ARMCX4: variants seen among roughly 807,000 people sequenced by gnomAD.
ARMCX4 encodes armadillo repeat containing X-linked 4.
A neutral mutation model predicts 34.7 loss-of-function variants in ARMCX4; 3 were observed. The ratio of observed to expected loss-of-function variants is 0.09; its 90% CI spans 0.04 to 0.22. The LOEUF is 0.22. Ranked by LOEUF, ARMCX4 falls within the 10% of genes least tolerant of loss-of-function variation. The pLI, the probability that ARMCX4 is intolerant of heterozygous loss-of-function variation, is 1.00. For missense variants in ARMCX4, 1,448 were observed against 1,720.8 expected (o/e 0.84, Z 2.81); for synonymous variants, 513 against 632.8 (o/e 0.81, Z 2.84).
intron 11 of ARMCX4, among the ~76,000 whole-genome samples, chrX:101,515,648 C>T (rs1556017734): frequency 1.9e-5 from 2 of 105,628 alleles, no homozygotes; most frequent in East Asian, 3.0e-4. Flanking sequence ...AAGAGATTCT[C>T]GTGCCTCAGC....
chrX:101,497,484 C>A (rs1250198086), downstream of ARMCX4, among the ~76,000 whole-genome samples: 2 of 111,423 alleles, frequency 1.8e-5, no homozygotes, highest in Admixed American at 1.9e-4. Context: ...GGTGATCTGC[C>A]CGCCTCGGCC....
chrX:101,450,869 A>G (rs1226837137), downstream of ARMCX4, among the ~76,000 whole-genome samples: 2 of 111,530 alleles, frequency 1.8e-5, no homozygotes, highest in African/African-American at 6.5e-5. Context: ...TTTGGGAGCT[A>G]AGGCCTGGAA....
intron 2 of ARMCX4, chrX:101,419,156 T>G (rs1929086179): frequency 9.0e-6 from 1 of 111,487 alleles, no homozygotes. Flanking sequence ...TAAATGTTTT[T>G]GAGAAAATAA....
At chrX:101,431,765 G>A (rs948606030) in intron 2 of ARMCX4, among the ~76,000 whole-genome samples, 3 of 111,617 alleles carry the variant, frequency 2.7e-5, no homozygotes, top group Non-Finnish European at 3.8e-5. Context: ...GGATGGTCTT[G>A]ATCTCCTGAC....
intron 4 of ARMCX4, among the ~76,000 whole-genome samples, chrX:101,478,625 A>G (rs1933301108): frequency 1.8e-5 from 2 of 111,917 alleles, no homozygotes; most frequent in Admixed American, 9.6e-5. Context: ...CAGGAAGCAC[A>G]AGACAAAGAA....
At chrX:101,439,443 C>G (rs1931076713) in intron 2 of ARMCX4, among the ~76,000 whole-genome samples, 1 of 111,104 alleles carries the variant, frequency 9.0e-6, no homozygotes, top group Admixed American at 9.7e-5. Flanking sequence ...CTGACAATTA[C>G]AATTATGTGT....
At chrX:101,483,031 G>A (rs1184582333), upstream of ARMCX4, among the ~76,000 whole-genome samples, 1 of 106,253 alleles carries the variant, frequency 9.4e-6, no homozygotes, top group Non-Finnish European at 1.9e-5. Context: ...AAGTAGCTGG[G>A]GTTATAAGCG....
chrX:101,421,761 C>T (rs1250456321), intron 2 of ARMCX4, among the ~76,000 whole-genome samples: 2 of 110,338 alleles, frequency 1.8e-5, no homozygotes, highest in Non-Finnish European at 3.8e-5. Flanking sequence ...TGGCATTAAT[C>T]CCACCTGTGA....
intron 4 of ARMCX4, among the ~76,000 whole-genome samples, chrX:101,455,518 C>G (rs781879077): frequency 2.7e-5 from 3 of 111,415 alleles, no homozygotes; most frequent in African/African-American, 9.8e-5. Context: ...ATTATTACCA[C>G]TAAACTCTTT....
At chrX:101,455,030 C>T (rs1361084259) in intron 4 of ARMCX4, among the ~76,000 whole-genome samples, 1 of 111,685 alleles carries the variant, frequency 9.0e-6, no homozygotes, top group Non-Finnish European at 1.9e-5. Flanking sequence ...TCACACTGGG[C>T]ATTGGGATTT....
In ARMCX4 at chrX:101,494,308, G is replaced by A; in HGVS notation, c.5719G>A (p.Glu1907Lys). Residue 1907 changes from glutamate (E) to lysine (K), a missense_variant, in exon 6 of 6, where the codon GAG becomes AAG. Transcript: ENST00000423738. ...CAGTTTAAGGTCTTTGTTTTGGGCTGAGAGTGAGAACAGTAATACGTTCAG... is the reference window on the plus strand; with the variant it reads ...CAGTTTAAGGTCTTTGTTTTGGGCTAAGAGTGAGAACAGTAATACGTTCAG... ...EISLRSLFWA[E>K]SENSNTFRSK... 1 of 1,155,514 alleles carries A rather than the reference G, an allele frequency of 8.7e-7. No individual in the cohort carries two copies. Among genetic ancestry groups the A allele is most frequent in the Non-Finnish European group, 1.1e-6 (1 of 872,754 alleles).
rs1293218733 is a variant in ARMCX4, at chrX:101,444,868, CTT to C, written n.268+714_268+715del. On this transcript the variant is annotated intron_variant and non_coding_transcript_variant, in intron 3 of 3. Transcript: ENST00000430461. ...GGTAAAGGCACTTAAGATCTACTCTCTTAGCAAATTTCAAATATACAATAATT... is the reference window on the plus strand; with the variant it reads ...GGTAAAGGCACTTAAGATCTACTCTCAGCAAATTTCAAATATACAATAATT... 2.7e-5 allele frequency among the ~76,000 whole-genome samples: 3 copies of C among 111,345 alleles called. No individual in the cohort carries two copies. The East Asian group carries it at 8.4e-4, about 31-fold the overall frequency.
chrX:101,437,625 G>GT (rs1427956756), intron 2 of ARMCX4, among the ~76,000 whole-genome samples: 10 of 110,794 alleles, frequency 9.0e-5, no homozygotes, highest in Admixed American at 1.9e-4. Flanking sequence ...TTTTTGAAGG[G>GT]TTTTTGTGTC....
chrX:101,424,020 C>T (rs782371791), intron 2 of ARMCX4, among the ~76,000 whole-genome samples: 8 of 110,750 alleles, frequency 7.2e-5, no homozygotes, highest in African/African-American at 9.9e-5. Context: ...TGCACCACCA[C>T]GCCTGGCAAA....
intron 2 of ARMCX4, among the ~76,000 whole-genome samples, chrX:101,419,514 G>T (rs782434981): frequency 3.0e-3 from 334 of 112,186 alleles, no homozygotes; most frequent in African/African-American, 9.3e-3. Flanking sequence ...GAGTAGTGGG[G>T]ATATGATCTA....
chrX:101,534,837 G>A (rs1452312687), downstream of ARMCX4, among the ~76,000 whole-genome samples: 9 of 111,833 alleles, frequency 8.0e-5, no homozygotes, highest in Non-Finnish European at 1.3e-4. Context: ...ACATGCTTAT[G>A]CAAAGTAGTT....
downstream of ARMCX4, among the ~76,000 whole-genome samples, chrX:101,449,262 G>T (rs1555998643): frequency 1.8e-5 from 2 of 112,203 alleles, no homozygotes; most frequent in African/African-American, 6.5e-5. Flanking sequence ...CTAGGTTTCA[G>T]AAGTTCTCTG....
intron 4 of ARMCX4, among the ~76,000 whole-genome samples, chrX:101,471,776 G>T (rs1932918786): frequency 9.0e-6 from 1 of 111,265 alleles, no homozygotes; most frequent in Non-Finnish European, 1.9e-5. Flanking sequence ...CTAACAAACA[G>T]AAAGGACATC....
intron 4 of ARMCX4, among the ~76,000 whole-genome samples, chrX:101,472,398 G>A (rs1932945992): frequency 5.6e-5 from 4 of 71,409 alleles, no homozygotes; most frequent in African/African-American, 2.4e-4. Flanking sequence ...ATATTATCCA[G>A]GAGAACTTCC....
Sources: gnomAD v4.1 joint callset for allele counts (sites outside exome capture counted in the v4.1 genomes callset) on GRCh38, gnomAD v4.1.1 for gene constraint, MANE v1.5 for transcripts, NCBI Gene and HGNC (gene_info 2026-07-23, HGNC 2026-07-21) for gene names.